The following ATG5 variants were observed in gnomAD, a reference collection of about 807,000 sequenced individuals.
ATG5 encodes autophagy related 5, also known as autophagy protein 5.
ATG5 carries 14 observed loss-of-function variants against 36.5 expected under a neutral mutation model. The observed-to-expected ratio is 0.38, with a 90% CI of 0.25 to 0.60. The LOEUF (loss-of-function observed/expected upper bound fraction) is 0.60, where lower values mean the gene tolerates loss of function less well. ATG5 is among the 20% of genes least tolerant of loss of function. The probability of loss-of-function intolerance (pLI) is 0.60; values close to 1 mark genes in which losing one functional copy is unlikely to be tolerated. For missense variants in ATG5, 195 were observed against 326.7 expected (o/e 0.60, Z 3.11); for synonymous variants, 95 against 101.5 (o/e 0.94, Z 0.38).
At chr6:106,281,082 GAATGA>G (rs2114604414) in intron 4 of ATG5, among the ~76,000 whole-genome samples, 1 of 152,148 alleles carries the variant, frequency 6.6e-6, no homozygotes, top group East Asian at 1.9e-4. Context: ...TTCATAAAAA[GAATGA>G]AATGAAAAGA....
intron 5 of ATG5, among the ~76,000 whole-genome samples, chr6:106,255,353 C>T (rs141121425): frequency 6.6e-6 from 1 of 152,308 alleles, no homozygotes; most frequent in East Asian, 1.9e-4. Flanking sequence ...AATTGCTACA[C>T]CTTATTACAG....
intron 2 of ATG5, among the ~76,000 whole-genome samples, chr6:106,314,598 C>T (rs959854464): frequency 2.0e-5 from 3 of 151,878 alleles, no homozygotes; most frequent in Non-Finnish European, 4.4e-5. Flanking sequence ...AGTAAACAGA[C>T]TTAAATTATT....
At chr6:106,192,715 G>C (rs1344922651) in intron 7 of ATG5, among the ~76,000 whole-genome samples, 1 of 152,092 alleles carries the variant, frequency 6.6e-6, no homozygotes, top group Non-Finnish European at 1.5e-5. Flanking sequence ...GACTTGATTT[G>C]CTATCTTGGA....
chr6:106,266,146 A>G (rs1779221562), intron 5 of ATG5, among the ~76,000 whole-genome samples: 1 of 152,194 alleles, frequency 6.6e-6, no homozygotes, highest in South Asian at 2.1e-4. Context: ...TAGACACAAT[A>G]AAAAATGATA....
chr6:106,313,325 T>C (rs564496348), intron 2 of ATG5, among the ~76,000 whole-genome samples: 1 of 152,062 alleles, frequency 6.6e-6, no homozygotes, highest in Non-Finnish European at 1.5e-5. Flanking sequence ...CTGTTCAGAG[T>C]GAAGGAAGAG....
At position 106,293,115 on chromosome 6, in the gene ATG5, G is replaced by T. The variant is rs1219544909; in HGVS notation, c.237-9C>A. The stretch of plus-strand genomic sequence containing the variant: ...AACCAATTGGATAATGCCTAAAAAT[G>T]AAACAGTATATTTTGAGAAAATAAA... On this transcript the variant is annotated splice_polypyrimidine_tract_variant and intron_variant, in intron 3 of 7. Coordinates refer to ENST00000369076, the MANE Select transcript of ATG5 (RefSeq NM_004849.4). 2 of 1,606,644 alleles carry T rather than the reference G, an allele frequency of 1.2e-6. No individual in the cohort carries two copies. The highest frequency in any genetic ancestry group is 1.1e-5 in the South Asian group (1 of 90,696).
chr6:106,244,987 T>C lies in ATG5; in HGVS notation c.573+3163A>G, dbSNP rs541304170. ...ACAAATGCCTTCATTAATCACCACC[T>C]GTTTACAAGTGCTAAATAACATTTT... On this transcript the variant is annotated intron_variant, in intron 6 of 7. Coordinates refer to ENST00000369076, the MANE Select transcript of ATG5 (RefSeq NM_004849.4). 5.9e-5 allele frequency among the ~76,000 whole-genome samples: 9 copies of C among 152,340 alleles called. No homozygotes were observed. In the East Asian group the frequency reaches 1.2e-3, roughly 20 times the overall value.
At chr6:106,278,925 A>G (rs779517296) in intron 5 of ATG5, among the ~76,000 whole-genome samples, 4 of 152,218 alleles carry the variant, frequency 2.6e-5, no homozygotes, top group Non-Finnish European at 5.9e-5. Flanking sequence ...ACTAGCAATA[A>G]AGTTTGCATT....
At chr6:106,277,862 A>ATTAT (rs1779723105) in intron 5 of ATG5, among the ~76,000 whole-genome samples, 3 of 152,214 alleles carry the variant, frequency 2.0e-5, no homozygotes. Context: ...AACAATAACA[A>ATTAT]GTTAAAAGAA....
At chr6:106,240,183 C>T (rs1778063699) in intron 6 of ATG5, among the ~76,000 whole-genome samples, 2 of 151,268 alleles carry the variant, frequency 1.3e-5, no homozygotes, top group African/African-American at 4.8e-5. Context: ...AGAAAGAAAT[C>T]CACATACTAC....
At chr6:106,199,064 T>C (rs540811952) in intron 7 of ATG5, among the ~76,000 whole-genome samples, 13 of 152,326 alleles carry the variant, frequency 8.5e-5, no homozygotes, top group East Asian at 1.9e-4. Context: ...ACCACTAGGA[T>C]GGCAATACAT....
At chr6:106,210,350 T>C (rs1268514404) in intron 6 of ATG5, among the ~76,000 whole-genome samples, 1 of 152,240 alleles carries the variant, frequency 6.6e-6, no homozygotes, top group Non-Finnish European at 1.5e-5. Context: ...CAAAGGTAAT[T>C]ATTACAATGT....
intron 3 of ATG5, among the ~76,000 whole-genome samples, chr6:106,295,857 T>C (rs1358692040): frequency 6.6e-6 from 1 of 152,198 alleles, no homozygotes; most frequent in African/African-American, 2.4e-5. Flanking sequence ...AGCCACTATG[T>C]CCAGCCCAAA....
At chr6:106,261,835 G>C (rs1327466997) in intron 5 of ATG5, among the ~76,000 whole-genome samples, 2 of 152,144 alleles carry the variant, frequency 1.3e-5, no homozygotes, top group Admixed American at 1.3e-4. Context: ...TTATTACCGG[G>C]GGAGCGGGCA....
intron 6 of ATG5, among the ~76,000 whole-genome samples, chr6:106,208,224 C>A (rs11760167): frequency 6.7e-5 from 9 of 135,106 alleles, no homozygotes; most frequent in South Asian, 2.7e-4. Flanking sequence ...ATATATACAT[C>A]TGTGTAAACA....
At chr6:106,234,218 C>A (rs1234078642) in intron 6 of ATG5, among the ~76,000 whole-genome samples, 3 of 152,132 alleles carry the variant, frequency 2.0e-5, no homozygotes, top group Admixed American at 6.5e-5. Flanking sequence ...AGGACTAGAT[C>A]TCTTAAAACT....
chr6:106,255,511 A>G (rs1030908750), intron 5 of ATG5, among the ~76,000 whole-genome samples: 21 of 152,222 alleles, frequency 1.4e-4, no homozygotes, highest in African/African-American at 4.8e-4. Flanking sequence ...CAACATCACC[A>G]GCCAATAAAC....
At chr6:106,297,767 T>C (rs28790407) in intron 3 of ATG5, among the ~76,000 whole-genome samples, 188 of 87,426 alleles carry the variant, frequency 2.2e-3, no homozygotes, top group Middle Eastern at 7.6e-3. Context: ...CACACACACA[T>C]ATATATTTTA....
chr6:106,282,714 C>T (rs1014193604), intron 4 of ATG5, among the ~76,000 whole-genome samples: 8 of 152,122 alleles, frequency 5.3e-5, no homozygotes, highest in Admixed American at 1.3e-4. Flanking sequence ...ATGACAAACA[C>T]GTATTAAATT....
Sources: gnomAD v4.1 joint callset for allele counts (sites outside exome capture counted in the v4.1 genomes callset) on GRCh38, gnomAD v4.1.1 for gene constraint, MANE v1.5 for transcripts, NCBI Gene and HGNC (gene_info 2026-07-23, HGNC 2026-07-21) for gene names.